CNDP1: variants seen among roughly 807,000 people sequenced by gnomAD.
CNDP1 encodes beta-Ala-His dipeptidase.
Under a neutral mutation model 58.1 loss-of-function variants are expected in CNDP1, and 44 were observed. The ratio of observed to expected loss-of-function variants is 0.76; its 90% CI spans 0.60 to 0.97. CNDP1 has a LOEUF of 0.97. Among genes scored for constraint, CNDP1 ranks in the 50% least tolerant of loss-of-function variants. The pLI, the probability that CNDP1 is intolerant of heterozygous loss-of-function variation, is 0.00. For synonymous variants in CNDP1, 254 were observed against 252.6 expected (o/e 1.01, Z -0.05); for missense variants, 616 against 655.1 (o/e 0.94, Z 0.65).
chr18:74,565,000 C>T (rs568225436), intron 5 of CNDP1, among the ~76,000 whole-genome samples: 1 of 152,342 alleles, frequency 6.6e-6, no homozygotes, highest in East Asian at 1.9e-4. Context: ...ATTGGACTTA[C>T]AGTTCCATAT....
In CNDP1 at chr18:74,584,557, C is replaced by T; in HGVS notation, c.1519C>T (p.His507Tyr). The change falls in exon 12 of 12, where the codon CAT (histidine) becomes TAT (tyrosine). Residue 507 changes from histidine (H) to tyrosine (Y), a missense_variant. Transcript: ENST00000358821. ...CTTTTTCTTAGAGATGGCCCAGCTC[C>T]ATTAATCACAAGAACCTTCTAGTCT... ...AAFFLEMAQL[H>Y] 1 of 1,612,960 alleles carries T rather than the reference C, an allele frequency of 6.2e-7. No homozygotes were observed. Among genetic ancestry groups the T allele is most frequent in the Non-Finnish European group, 8.5e-7 (1 of 1,178,958 alleles).
chr18:74,578,275 A>G lies in CNDP1; in HGVS notation c.1115A>G (p.Lys372Arg), dbSNP rs2144576867. Residue 372 changes from lysine (K) to arginine (R), a missense_variant, in exon 9 of 12, where the codon AAA becomes AGA. Transcript: ENST00000358821. ...KTVIPGRVIG[K>R]FSIRLVPHMN... ...GTCATACCTGGCCGAGTTATAGGAA[A>G]ATTTTCAATCCGTCTAGTCCCTCAC... 6.2e-7 allele frequency: 1 copy of G among 1,614,082 alleles called. No homozygotes were observed. The highest frequency in any genetic ancestry group is 8.5e-7 in the Non-Finnish European group (1 of 1,180,016).
In CNDP1 at chr18:74,583,724, T is replaced by C. The variant is rs1171423819; in HGVS notation, c.1457+16T>C. The C allele has an allele frequency of 3.1e-6, 5 of 1,613,766 alleles. No individual in the cohort carries two copies. The highest frequency in any genetic ancestry group is 4.2e-6 in the Non-Finnish European group (5 of 1,179,778). Reference sequence around the variant, plus strand: ...AAATCAACAGGTCAGCTGATGCCTGTGCAATGTGCCTCTCTCTTCTTCCTT... The same window carrying C: ...AAATCAACAGGTCAGCTGATGCCTGCGCAATGTGCCTCTCTCTTCTTCCTT... On this transcript the variant is annotated intron_variant, in intron 11 of 11. Transcript: ENST00000358821.
At position 74,564,559 on chromosome 18, in the gene CNDP1, C is replaced by T. The variant is rs547540941; in HGVS notation, c.555+2424C>T. Among the ~76,000 whole-genome samples, 65 of 152,304 alleles carry T rather than the reference C, an allele frequency of 4.3e-4. 1 individual carries two copies. The highest frequency in any genetic ancestry group is 1.5e-3 in the African/African-American group (61 of 41,578). ...TTCAAAGGAAAATGTTCTCCTTTTT[C>T]ATGCTCAGAATTATGAGGACAGAAA... On this transcript the variant is annotated intron_variant, in intron 5 of 11. Transcript: ENST00000358821.
chr18:74,550,804 G>T (rs1980885979), intron 1 of CNDP1, among the ~76,000 whole-genome samples: 1 of 151,294 alleles, frequency 6.6e-6, no homozygotes. Context: ...GTTTCACCAT[G>T]TTAGCCAGGA....
At chr18:74,564,910 A>G (rs1373591303) in intron 5 of CNDP1, among the ~76,000 whole-genome samples, 1 of 152,238 alleles carries the variant, frequency 6.6e-6, no homozygotes, top group African/African-American at 2.4e-5. Flanking sequence ...TGGATCTTCA[A>G]AGGTGAATGG....
In CNDP1 at chr18:74,583,715, T is replaced by G. The variant is rs899224633; in HGVS notation, c.1457+7T>G. On this transcript the variant is annotated splice_region_variant and intron_variant, in intron 11 of 11. Coordinates refer to ENST00000358821, the MANE Select transcript of CNDP1 (RefSeq NM_032649.6). ...AGAATGAGAAAATCAACAGGTCAGC[T>G]GATGCCTGTGCAATGTGCCTCTCTC... 6 of 1,614,036 alleles carry G rather than the reference T, an allele frequency of 3.7e-6. No individual in the cohort carries two copies. The highest frequency in any genetic ancestry group is 5.1e-6 in the Non-Finnish European group (6 of 1,179,934).
intron 1 of CNDP1, among the ~76,000 whole-genome samples, chr18:74,540,565 G>A (rs1055666619): frequency 3.3e-5 from 5 of 152,184 alleles, no homozygotes; most frequent in African/African-American, 1.2e-4. Context: ...GCTCTCTTGG[G>A]GAACCTCAGT....
intron 1 of CNDP1, among the ~76,000 whole-genome samples, chr18:74,536,313 C>G (rs1215035668): frequency 6.6e-6 from 1 of 152,114 alleles, no homozygotes; most frequent in Non-Finnish European, 1.5e-5. Context: ...CCCATAGGCC[C>G]CAGTGTGTGT....
At chr18:74,583,814 C>G (rs778435991) in intron 11 of CNDP1, 106 bp downstream of exon 11, 1 of 1,139,748 alleles carries the variant, frequency 8.8e-7, no homozygotes, top group Non-Finnish European at 1.3e-6. Flanking sequence ...AATGGAAAAT[C>G]GTCCAGACTG....
intron 1 of CNDP1, among the ~76,000 whole-genome samples, chr18:74,536,294 C>T (rs188795852): frequency 3.9e-5 from 6 of 152,264 alleles, no homozygotes; most frequent in South Asian, 4.1e-4. Flanking sequence ...TCCCTCCTCC[C>T]GTCCTCCACC....
At chr18:74,572,563 G>A (rs1981505597) in intron 7 of CNDP1, among the ~76,000 whole-genome samples, 1 of 152,016 alleles carries the variant, frequency 6.6e-6, no homozygotes, top group South Asian at 2.1e-4. Context: ...CAAGGTGGGT[G>A]GATCAGTTGA....
At chr18:74,570,381 C>T (rs983430272) in intron 6 of CNDP1, among the ~76,000 whole-genome samples, 1 of 152,018 alleles carries the variant, frequency 6.6e-6, no homozygotes, top group Admixed American at 6.6e-5. Flanking sequence ...CTGGGCAGAG[C>T]CTTTGGTGGC....
chr18:74,556,487 A>G, intron 2 of CNDP1, 21 bp downstream of exon 2: 1 of 1,613,248 alleles, frequency 6.2e-7, no homozygotes, highest in Non-Finnish European at 8.5e-7. Context: ...GAAACTACAC[A>G]ACTACACACA....
chr18:74,541,962 TGCTAAGACAAGGCACGCA>T (rs1980636432), intron 1 of CNDP1, among the ~76,000 whole-genome samples: 1 of 152,128 alleles, frequency 6.6e-6, no homozygotes, highest in East Asian at 1.9e-4. Flanking sequence ...AGAGAAACAG[TGCTAAGACAAGGCACGCA>T]CAGATGGAAC....
intron 7 of CNDP1, among the ~76,000 whole-genome samples, chr18:74,572,436 T>C (rs1303716079): frequency 6.6e-6 from 1 of 152,180 alleles, no homozygotes; most frequent in Admixed American, 6.5e-5. Flanking sequence ...TTACCTATGC[T>C]TTAGACCCTG....
Position 74,585,436 on chromosome 18 carries a change from T to G in CNDP1, c.*874T>G, listed in dbSNP as rs1981886286. 1 of 152,228 alleles carries G rather than the reference T, an allele frequency of 6.6e-6. No homozygotes were observed. Among genetic ancestry groups the G allele is most frequent in the Non-Finnish European group, 1.5e-5 (1 of 68,040 alleles). 9.4% of individuals were successfully genotyped at this position (152,228 alleles called of 1,614,324 possible). Reference sequence around the variant, plus strand: ...AGCTTTTAATAGCATCAGTTTTAGATAGAGAACTAATCAACCCTGACATCA... The same window carrying G: ...AGCTTTTAATAGCATCAGTTTTAGAGAGAGAACTAATCAACCCTGACATCA... On this transcript the variant is annotated 3_prime_UTR_variant, in exon 12 of 12. Transcript: ENST00000358821.
At chr18:74,574,051 G>A (rs987776079) in intron 7 of CNDP1, among the ~76,000 whole-genome samples, 7 of 152,212 alleles carry the variant, frequency 4.6e-5, no homozygotes, top group African/African-American at 1.7e-4. Flanking sequence ...TAGTGGAGAT[G>A]CCCGGACTTC....
intron 8 of CNDP1, 30 bp from the exon 9 acceptor site, chr18:74,578,133 C>A (rs771691440): frequency 6.3e-7 from 1 of 1,586,508 alleles, no homozygotes; most frequent in Admixed American, 1.8e-5. Flanking sequence ...TCTAATTAAG[C>A]ATCCTTTGGA....
Sources: gnomAD v4.1 joint callset for allele counts (sites outside exome capture counted in the v4.1 genomes callset) on GRCh38, gnomAD v4.1.1 for gene constraint, MANE v1.5 for transcripts, NCBI Gene and HGNC (gene_info 2026-07-23, HGNC 2026-07-21) for gene names.